The following BMP7 variants were observed in gnomAD, a reference collection of about 807,000 sequenced individuals.
The protein encoded by BMP7 is bone morphogenetic protein 7, also known as osteogenic protein 1.
A neutral mutation model predicts 41.2 loss-of-function variants in BMP7; 12 were observed. The ratio of observed to expected loss-of-function variants is 0.29; its 90% CI spans 0.19 to 0.47. BMP7 has a LOEUF of 0.47. Among genes scored for constraint, BMP7 ranks in the 20% least tolerant of loss-of-function variants. The pLI is 0.99. For missense variants in BMP7, 467 were observed against 606.0 expected (o/e 0.77, Z 2.41); for synonymous variants, 248 against 250.0 (o/e 0.99, Z 0.07).
chr20:57,245,669 T>C (rs162323), intron 1 of BMP7, among the ~76,000 whole-genome samples: 64,417 of 144,336 alleles, frequency 0.45, 14,769 homozygotes, highest in Admixed American at 0.51. Context: ...GACAGAGTCT[T>C]GCTCTGTCAC....
At chr20:57,219,367 C>T (rs141114477) in intron 2 of BMP7, among the ~76,000 whole-genome samples, 82 of 146,316 alleles carry the variant, frequency 5.6e-4, no homozygotes, top group Middle Eastern at 3.4e-3. Flanking sequence ...TGTTCAACTT[C>T]GGCTGTGTCA....
Position 57,228,568 on chromosome 20 carries a change from C to A in BMP7, c.419-147G>T. 1 of 934,774 alleles carries A rather than the reference C, an allele frequency of 1.1e-6. No individual in the cohort carries two copies. Among genetic ancestry groups the A allele is most frequent in the Middle Eastern group, 2.6e-4 (1 of 3,824 alleles). 57.9% of individuals were successfully genotyped at this position (934,774 alleles called of 1,614,324 possible). On this transcript the variant is annotated intron_variant, in intron 1 of 6. Transcript: ENST00000395863. This position sits in a 1 kb window ranked among gnomAD's most constrained non-coding sequence, Gnocchi z 4.5. ...CCCAGTGACAACTGCTCCTTCCTCA[C>A]CAACACACTGTAGACTGGAGGGTCA...
rs918135730 is a variant in BMP7 at position 57,170,769 on chromosome 20, G to A, written c.*190C>T. ...ACAGCTTGTAGGATCTTGTTCATTG[G>A]ATGCTGCCACTGAAAAACTGATCAA... On this transcript the variant is annotated 3_prime_UTR_variant, in exon 7 of 7. Coordinates refer to ENST00000395863, the MANE Select transcript of BMP7 (RefSeq NM_001719.3). The A allele has an allele frequency of 1.3e-5, 9 of 717,702 alleles. No individual in the cohort carries two copies. The highest frequency in any genetic ancestry group is 2.1e-5 in the Non-Finnish European group (9 of 430,784). The allele number at this position is 717,702 out of a possible 1,614,324, so 44.5% of individuals were successfully genotyped here.
At chr20:57,183,996 A>G in intron 3 of BMP7, 77 bp from the exon 4 acceptor site, 1 of 1,506,228 alleles carries the variant, frequency 6.6e-7, no homozygotes. Flanking sequence ...CAGAGATGCT[A>G]TGCCTCCCGG....
chr20:57,186,056 A>G (rs543341674), intron 3 of BMP7, among the ~76,000 whole-genome samples: 1 of 152,212 alleles, frequency 6.6e-6, no homozygotes, highest in African/African-American at 2.4e-5. Context: ...TAAGTGCTCA[A>G]TAAATGCTAG....
chr20:57,263,129 GT>G (rs1326260786), intron 1 of BMP7, among the ~76,000 whole-genome samples: 1 of 152,202 alleles, frequency 6.6e-6, no homozygotes, highest in African/African-American at 2.4e-5. Flanking sequence ...ATGACCTCGA[GT>G]TTAGGGACAG....
At chr20:57,232,793 T>C (rs1052841496) in intron 1 of BMP7, among the ~76,000 whole-genome samples, 1 of 150,928 alleles carries the variant, frequency 6.6e-6, no homozygotes. Flanking sequence ...GAAACCCACA[T>C]TGTCACATGT....
intron 2 of BMP7, among the ~76,000 whole-genome samples, chr20:57,206,220 A>T (rs1984727268): frequency 1.3e-5 from 2 of 152,246 alleles, no homozygotes; most frequent in South Asian, 4.2e-4. Context: ...GAGAAGAGGT[A>T]AGGAAGGCTC....
At chr20:57,253,819 C>T (rs6025467) in intron 1 of BMP7, among the ~76,000 whole-genome samples, 1 of 151,942 alleles carries the variant, frequency 6.6e-6, no homozygotes, top group East Asian at 1.9e-4. Flanking sequence ...ACTTGAGTAC[C>T]CTTCACCCAG....
intron 3 of BMP7, among the ~76,000 whole-genome samples, chr20:57,190,034 G>A (rs1272034702): frequency 6.6e-6 from 1 of 152,260 alleles, no homozygotes; most frequent in African/African-American, 2.4e-5. Flanking sequence ...GCACATGCCA[G>A]GTTCATGAGA....
Position 57,170,822 on chromosome 20 carries a change from T to C in BMP7, c.*137A>G, listed in dbSNP as rs1217732401. 1.8e-6 allele frequency: 2 copies of C among 1,127,146 alleles called. No homozygotes were observed. Among genetic ancestry groups the C allele is most frequent in the Non-Finnish European group, 2.6e-6 (2 of 776,290 alleles). The allele number at this position is 1,127,146 out of a possible 1,614,324, so 69.8% of individuals were successfully genotyped here. On this transcript the variant is annotated 3_prime_UTR_variant, in exon 7 of 7. Transcript: ENST00000395863. ...GCCATATGCTGCTCATGTTTCCTAA[T>C]ACTCTCACACCTTTAAAGTTGGGGA...
intron 2 of BMP7, among the ~76,000 whole-genome samples, chr20:57,203,066 A>C (rs1460356495): frequency 6.6e-6 from 1 of 152,108 alleles, no homozygotes; most frequent in Non-Finnish European, 1.5e-5. Context: ...AAGCTGTGGG[A>C]ATATCATTTC....
At chr20:57,225,437 T>G (rs1173020649) in intron 2 of BMP7, among the ~76,000 whole-genome samples, 2 of 152,186 alleles carry the variant, frequency 1.3e-5, no homozygotes, top group Non-Finnish European at 2.9e-5. Context: ...GACCATTTAT[T>G]GAGCACTTCC....
In BMP7 at chr20:57,169,490, C is replaced by T. The variant is rs1415396109; in HGVS notation, c.*1469G>A. 3 of 152,166 alleles carry T rather than the reference C, an allele frequency of 2.0e-5. No individual in the cohort carries two copies. The highest frequency in any genetic ancestry group is 2.0e-4 in the Admixed American group (3 of 15,280). 9.4% of individuals were successfully genotyped at this position (152,166 alleles called of 1,614,324 possible). On this transcript the variant is annotated 3_prime_UTR_variant, in exon 7 of 7. Coordinates refer to ENST00000395863, the MANE Select transcript of BMP7 (RefSeq NM_001719.3). ...TCGGGACACTTGGTTAGGATGTCAC[C>T]CTCAACAAGGCTTCTATTTGCAATG... is the stretch of plus-strand genomic sequence containing the variant.
intron 2 of BMP7, among the ~76,000 whole-genome samples, chr20:57,225,358 A>G (rs1224284133): frequency 6.6e-6 from 1 of 152,214 alleles, no homozygotes; most frequent in East Asian, 1.9e-4. Flanking sequence ...GCCACCACCC[A>G]GGGCTCTTGT....
At chr20:57,223,338 G>A (rs1231266814) in intron 2 of BMP7, among the ~76,000 whole-genome samples, 1 of 152,142 alleles carries the variant, frequency 6.6e-6, no homozygotes, top group Admixed American at 6.5e-5. Context: ...CAGCACACAG[G>A]GAATCACCTG....
intron 1 of BMP7, among the ~76,000 whole-genome samples, chr20:57,260,629 T>C (rs1463035963): frequency 1.3e-5 from 2 of 152,278 alleles, no homozygotes; most frequent in African/African-American, 4.8e-5. Flanking sequence ...TTCAATATAT[T>C]GATTTTACCA....
At chr20:57,223,345 C>A (rs1042184260) in intron 2 of BMP7, among the ~76,000 whole-genome samples, 1 of 152,150 alleles carries the variant, frequency 6.6e-6, no homozygotes, top group African/African-American at 2.4e-5. Flanking sequence ...CAGGGAATCA[C>A]CTGGGAGCTT....
chr20:57,201,237 G>C (rs1019152981), intron 3 of BMP7, among the ~76,000 whole-genome samples: 1 of 152,182 alleles, frequency 6.6e-6, no homozygotes, highest in Non-Finnish European at 1.5e-5. Context: ...CAACCCAATG[G>C]CCCAAATCCT....
Sources: gnomAD v4.1 joint callset for allele counts (sites outside exome capture counted in the v4.1 genomes callset) on GRCh38, gnomAD v4.1.1 for gene constraint, Gnocchi (gnomAD v3.1) non-coding constraint, MANE v1.5 for transcripts, NCBI Gene and HGNC (gene_info 2026-07-23, HGNC 2026-07-21) for gene names.